Variants in ARL3 observed in about 807,000 individuals in gnomAD.
ARL3 encodes the protein ARF like GTPase 3.
In ARL3, 9 loss-of-function variants were observed where a neutral mutation model predicts 26.0. The observed-to-expected ratio is 0.35, with a 90% CI of 0.21 to 0.60. ARL3 has a LOEUF of 0.60. Ranked by LOEUF, ARL3 falls within the 20% of genes least tolerant of loss-of-function variation. ARL3 has a pLI of 0.78. For missense variants in ARL3, 158 were observed against 215.7 expected (o/e 0.73, Z 1.67); for synonymous variants, 71 against 78.4 (o/e 0.91, Z 0.50).
chr10:102,687,085 C>T (rs1400811357), intron 4 of ARL3, among the ~76,000 whole-genome samples: 3 of 150,588 alleles, frequency 2.0e-5, no homozygotes, highest in Non-Finnish European at 4.4e-5. Flanking sequence ...ACCATCTTGG[C>T]CAGGCTAGTC....
intron 2 of ARL3, among the ~76,000 whole-genome samples, chr10:102,703,842 G>C (rs2064294101): frequency 6.6e-6 from 1 of 151,716 alleles, no homozygotes; most frequent in Non-Finnish European, 1.5e-5. Context: ...AGGTTGATGA[G>C]ACTGGATTTA....
chr10:102,697,964 C>T (rs2064257755), intron 3 of ARL3, among the ~76,000 whole-genome samples: 1 of 152,082 alleles, frequency 6.6e-6, no homozygotes, highest in South Asian at 2.1e-4. Context: ...GGAGATAAAG[C>T]AAAGACAGAG....
In ARL3 at chr10:102,685,838, G is replaced by C; in HGVS notation, c.479C>G (p.Ala160Gly). ...DRVWQIQSCS[A>G]LTGEGVQDGM... Reference sequence around the variant, plus strand: ...CACCTGAACGCCCTCTCCTGTGAGAGCTGAGCAAGACTGGATCTGCCAGAC... The same window carrying C: ...CACCTGAACGCCCTCTCCTGTGAGACCTGAGCAAGACTGGATCTGCCAGAC... The change falls in exon 5 of 6, where the codon GCT becomes GGT. Residue 160 changes from alanine (A) to glycine (G), a missense_variant. Coordinates refer to ENST00000260746, the MANE Select transcript of ARL3 (RefSeq NM_004311.4). 1 of 1,612,246 alleles carries C rather than the reference G, an allele frequency of 6.2e-7. No homozygotes were observed. Among genetic ancestry groups the C allele is most frequent in the Non-Finnish European group, 8.5e-7 (1 of 1,179,318 alleles).
intron 2 of ARL3, among the ~76,000 whole-genome samples, chr10:102,701,844 A>T (rs1039043037): frequency 6.6e-6 from 1 of 152,150 alleles, no homozygotes; most frequent in Admixed American, 6.6e-5. Flanking sequence ...TTACATAAGT[A>T]TTTACATATA....
chr10:102,705,511 C>G (rs2136008799), intron 1 of ARL3, 22 bp from the exon 2 acceptor site: 2 of 1,556,380 alleles, frequency 1.3e-6, no homozygotes, highest in East Asian at 2.3e-5. Context: ...ACAAAGGAGA[C>G]AGATTACTCT....
At chr10:102,711,949 T>C (rs1467437119) in intron 1 of ARL3, among the ~76,000 whole-genome samples, 3 of 152,168 alleles carry the variant, frequency 2.0e-5, no homozygotes, top group Non-Finnish European at 2.9e-5. Context: ...CATAAGTAAC[T>C]GTTGGGAACA....
intron 5 of ARL3, among the ~76,000 whole-genome samples, chr10:102,683,130 G>T (rs949663144): frequency 1.3e-5 from 2 of 152,228 alleles, no homozygotes; most frequent in Admixed American, 1.3e-4. Flanking sequence ...CTCTTTTTAA[G>T]GCAAAAACCA....
At chr10:102,702,918 C>T (rs1436651587) in intron 2 of ARL3, among the ~76,000 whole-genome samples, 1 of 152,094 alleles carries the variant, frequency 6.6e-6, no homozygotes, top group East Asian at 1.9e-4. Flanking sequence ...AAACCTGACA[C>T]CAGGGTCTTA....
chr10:102,708,623 G>T (rs1313197095), intron 1 of ARL3, among the ~76,000 whole-genome samples: 1 of 151,870 alleles, frequency 6.6e-6, no homozygotes, highest in Non-Finnish European at 1.5e-5. Flanking sequence ...TTGGGAGGCC[G>T]AGGTGGGTGG....
chr10:102,691,391 C>G (rs1028127167), intron 3 of ARL3, among the ~76,000 whole-genome samples: 3 of 150,666 alleles, frequency 2.0e-5, no homozygotes, highest in Admixed American at 1.3e-4. Context: ...TTTGTTCTTG[C>G]GACAGTTTAC....
At position 102,675,753 on chromosome 10, in the gene ARL3, G is replaced by A. The variant is rs1208483923; in HGVS notation, c.*1141C>T. On this transcript the variant is annotated 3_prime_UTR_variant, in exon 6 of 6. Transcript: ENST00000260746. ...TCTTGATTCCTTGGACACGACCCCT[G>A]CAGTCACACACACACCCATGTCCTC... The A allele has an allele frequency of 6.6e-6, 1 of 152,262 alleles. No individual in the cohort carries two copies. The highest frequency in any genetic ancestry group is 1.5e-5 in the Non-Finnish European group (1 of 68,066). The allele number at this position is 152,262 out of a possible 1,614,324, so 9.4% of individuals were successfully genotyped here.
intron 2 of ARL3, among the ~76,000 whole-genome samples, chr10:102,704,910 T>C (rs1253829016): frequency 6.6e-6 from 1 of 152,178 alleles, no homozygotes; most frequent in Non-Finnish European, 1.5e-5. Flanking sequence ...TGGGGTGGCC[T>C]GATGAAGTGG....
At chr10:102,698,056 G>A (rs537468912) in intron 3 of ARL3, among the ~76,000 whole-genome samples, 1 of 152,262 alleles carries the variant, frequency 6.6e-6, no homozygotes, top group South Asian at 2.1e-4. Context: ...TGTATGGTCA[G>A]GAGGAGTTTT....
At chr10:102,679,350 GAACCT>G (rs1306039297) in intron 5 of ARL3, among the ~76,000 whole-genome samples, 1 of 152,208 alleles carries the variant, frequency 6.6e-6, no homozygotes, top group Non-Finnish European at 1.5e-5. Context: ...TATATTCCCA[GAACCT>G]AACATGATGT....
intron 3 of ARL3, among the ~76,000 whole-genome samples, chr10:102,690,415 C>T (rs2064210926): frequency 6.6e-6 from 1 of 151,324 alleles, no homozygotes; most frequent in Admixed American, 6.6e-5. Context: ...TCCCCAGCAG[C>T]TGGGACTACA....
At chr10:102,693,702 T>G (rs1456938931) in intron 3 of ARL3, among the ~76,000 whole-genome samples, 1 of 152,094 alleles carries the variant, frequency 6.6e-6, no homozygotes, top group Non-Finnish European at 1.5e-5. Flanking sequence ...TGAGATAGAG[T>G]CTCACTCTGT....
At position 102,708,913 on chromosome 10, in the gene ARL3, T is replaced by A. The variant is rs1332962947; in HGVS notation, c.4-3424A>T. Among the ~76,000 whole-genome samples, 149 of 141,676 alleles carry A rather than the reference T, an allele frequency of 1.1e-3. 1 individual carries two copies. Among genetic ancestry groups the A allele is most frequent in the Non-Finnish European group, 1.3e-3 (87 of 65,438 alleles). The allele number at this position is 141,676 out of a possible 152,430, so 92.9% of individuals were successfully genotyped here. ...ATATATATATATATATATATATTTT[T>A]TTTTTTTTTGAGACAAGGTCTCACT... On this transcript the variant is annotated intron_variant, in intron 1 of 5. Transcript: ENST00000260746.
At chr10:102,701,018 T>C (rs1303110790) in intron 2 of ARL3, among the ~76,000 whole-genome samples, 3 of 152,120 alleles carry the variant, frequency 2.0e-5, no homozygotes, top group Non-Finnish European at 4.4e-5. Context: ...ATTACAGGTG[T>C]GAGCCACTGC....
intron 5 of ARL3, among the ~76,000 whole-genome samples, chr10:102,682,617 C>T (rs2064160961): frequency 6.6e-6 from 1 of 152,242 alleles, no homozygotes; most frequent in African/African-American, 2.4e-5. Flanking sequence ...ACTTCATCCA[C>T]AGAGGGGCGT....
Sources: allele counts gnomAD v4.1 joint callset (sites outside exome capture counted in the v4.1 genomes callset), GRCh38; gene constraint gnomAD v4.1.1; transcripts MANE v1.5; gene names NCBI Gene and HGNC (gene_info 2026-07-23, HGNC 2026-07-21).